Variants in TADA2A observed in about 807,000 individuals in gnomAD.
The protein encoded by TADA2A is transcriptional adapter 2-alpha.
Under a neutral mutation model 67.4 loss-of-function variants are expected in TADA2A, and 38 were observed. The ratio of observed to expected loss-of-function variants is 0.56; its 90% CI spans 0.44 to 0.74. TADA2A has a LOEUF of 0.74. Ranked by LOEUF, TADA2A falls within the 30% of genes least tolerant of loss-of-function variation. The probability of loss-of-function intolerance (pLI) is 0.00; values close to 1 mark genes in which losing one functional copy is unlikely to be tolerated. For missense variants in TADA2A, 454 were observed against 547.0 expected, an observed-to-expected ratio of 0.83 and a Z score of 1.70; for synonymous variants, 192 against 181.6, an observed-to-expected ratio of 1.06 and a Z score of -0.46.
intron 9 of TADA2A, 133 bp downstream of exon 9, chr17:37,458,720 A>T: frequency 1.5e-6 from 1 of 656,264 alleles, no homozygotes; most frequent in Admixed American, 2.8e-5. Context: ...TCTGTTGCCC[A>T]GGCTGGAGAG....
rs1488674826 is a variant in TADA2A, at chr17:37,439,942, ATTATTTTTT to A, written c.285-560_285-552del. 2.6e-3 allele frequency among the ~76,000 whole-genome samples: 153 copies of A among 58,464 alleles called. 3 individuals carry two copies. The highest frequency in any genetic ancestry group is 5.7e-3 in the African/African-American group (127 of 22,126). 38.4% of individuals were successfully genotyped at this position (58,464 alleles called of 152,430 possible). On this transcript the variant is annotated intron_variant, in intron 5 of 15. Transcript: ENST00000615182. ...TATTTATTTATTTATTTATTTATTT[ATTATTTTTT>A]TTTTTTTTTGAGATGGAGTTTCGCT...
chr17:37,451,009 T>C (rs2053217023), intron 8 of TADA2A, among the ~76,000 whole-genome samples: 1 of 151,914 alleles, frequency 6.6e-6, no homozygotes, highest in Non-Finnish European at 1.5e-5. Flanking sequence ...GTACCAATTA[T>C]CAGCAGTATT....
intron 7 of TADA2A, among the ~76,000 whole-genome samples, chr17:37,443,241 C>G (rs999612515): frequency 6.6e-6 from 1 of 151,542 alleles, no homozygotes; most frequent in Non-Finnish European, 1.5e-5. Context: ...TATGAAATTC[C>G]TATAGTCTGG....
At chr17:37,444,936 T>C (rs545436087) in intron 8 of TADA2A, among the ~76,000 whole-genome samples, 168 bp downstream of exon 8, 1 of 152,290 alleles carries the variant, frequency 6.6e-6, no homozygotes, top group African/African-American at 2.4e-5. Flanking sequence ...TTGACCACAG[T>C]GAATAAGACT....
intron 10 of TADA2A, among the ~76,000 whole-genome samples, chr17:37,463,397 T>C (rs780147509): frequency 6.6e-6 from 1 of 152,050 alleles, no homozygotes; most frequent in Non-Finnish European, 1.5e-5. Context: ...TATTTAATAA[T>C]ATATAGCATC....
chr17:37,457,269 TTC>T, intron 8 of TADA2A, among the ~76,000 whole-genome samples: 1 of 149,378 alleles, frequency 6.7e-6, no homozygotes, highest in Non-Finnish European at 1.5e-5. Context: ...CAACCTCTGC[TTC>T]CCAGGTTCAA....
chr17:37,474,715 C>A, intron 15 of TADA2A, 86 bp downstream of exon 15: 1 of 1,411,734 alleles, frequency 7.1e-7, no homozygotes, highest in Non-Finnish European at 9.8e-7. Flanking sequence ...CAGGGTCAAA[C>A]CCCTTTTGTT....
intron 1 of TADA2A, chr17:37,407,515 G>C (rs1255489928): frequency 1.3e-5 from 2 of 152,372 alleles, no homozygotes; most frequent in East Asian, 3.9e-4. Context: ...TTCGAATTTG[G>C]CGATTGTTAG....
chr17:37,455,645 T>C (rs928866114), intron 8 of TADA2A, among the ~76,000 whole-genome samples: 1 of 152,224 alleles, frequency 6.6e-6, no homozygotes, highest in African/African-American at 2.4e-5. Context: ...CCTCCCAAAG[T>C]GCTGGGATCA....
intron 2 of TADA2A, among the ~76,000 whole-genome samples, chr17:37,413,515 G>T (rs565734104): frequency 1.3e-5 from 2 of 151,718 alleles, no homozygotes; most frequent in Non-Finnish European, 2.9e-5. Flanking sequence ...GTCTGTCTCT[G>T]TGTGTGTGTA....
Position 37,479,379 on chromosome 17 carries a change from G to GA in TADA2A, c.*2401dup, listed in dbSNP as rs1341132426. 1 of 152,164 alleles carries GA rather than the reference G, an allele frequency of 6.6e-6. No homozygotes were observed. Among genetic ancestry groups the GA allele is most frequent in the East Asian group, 1.9e-4 (1 of 5,200 alleles). 9.4% of individuals were successfully genotyped at this position (152,164 alleles called of 1,614,324 possible). A position where few individuals can be genotyped will look rare whatever the true frequency, so the allele number is the denominator to read the frequency against. ...CTGATGGCAAATCAGATTTCATGAG[G>GA]AAAATGGCATGGTTGAAAATAGTAA... is the stretch of plus-strand genomic sequence containing the variant. On this transcript the variant is annotated 3_prime_UTR_variant, in exon 16 of 16. Coordinates refer to ENST00000615182, the MANE Select transcript of TADA2A (RefSeq NM_001166105.3).
At chr17:37,470,141 C>T (rs1488175628) in intron 12 of TADA2A, among the ~76,000 whole-genome samples, 4 of 152,044 alleles carry the variant, frequency 2.6e-5, no homozygotes, top group Non-Finnish European at 5.9e-5. Context: ...TTTCTTTGTA[C>T]TTTTCTGTTG....
At chr17:37,453,566 C>T (rs1471055363) in intron 8 of TADA2A, among the ~76,000 whole-genome samples, 2 of 152,060 alleles carry the variant, frequency 1.3e-5, no homozygotes, top group Non-Finnish European at 2.9e-5. Flanking sequence ...TTTATTTGAA[C>T]ATACAGTTTA....
At chr17:37,463,914 C>T (rs1037984518) in intron 10 of TADA2A, among the ~76,000 whole-genome samples, 6 of 151,968 alleles carry the variant, frequency 3.9e-5, no homozygotes, top group Admixed American at 6.6e-5. Context: ...GATCGTGCTA[C>T]TGCTCTCCAG....
At chr17:37,424,365 T>TG (rs1015953302) in intron 3 of TADA2A, among the ~76,000 whole-genome samples, 2 of 151,734 alleles carry the variant, frequency 1.3e-5, no homozygotes, top group East Asian at 2.0e-4. Context: ...AATCTTTTTT[T>TG]TTTTTTTGAG....
chr17:37,424,052 T>G (rs2052329409), intron 3 of TADA2A, among the ~76,000 whole-genome samples: 1 of 149,164 alleles, frequency 6.7e-6, no homozygotes. Flanking sequence ...CCGGCCCCAA[T>G]TTTTCATTAT....
intron 15 of TADA2A, among the ~76,000 whole-genome samples, chr17:37,476,144 G>T (rs1034548129): frequency 6.6e-6 from 1 of 152,148 alleles, no homozygotes; most frequent in Non-Finnish European, 1.5e-5. Flanking sequence ...GAGGTCATAG[G>T]TCAGCCTGAT....
chr17:37,415,233 C>T (rs2052004138), intron 2 of TADA2A, among the ~76,000 whole-genome samples: 1 of 152,154 alleles, frequency 6.6e-6, no homozygotes, highest in African/African-American at 2.4e-5. Context: ...TTCTTTTGTA[C>T]TTTTAAAAAA....
intron 15 of TADA2A, 46 bp downstream of exon 15, chr17:37,474,675 A>T (rs1471749485): frequency 6.4e-7 from 1 of 1,565,004 alleles, no homozygotes; most frequent in South Asian, 1.2e-5. Flanking sequence ...GGGGCTGATT[A>T]TTCATTGAGT....
Sources: allele counts gnomAD v4.1 joint callset (sites outside exome capture counted in the v4.1 genomes callset), GRCh38; gene constraint gnomAD v4.1.1; transcripts MANE v1.5; gene names NCBI Gene and HGNC (gene_info 2026-07-23, HGNC 2026-07-21).